Variants in NCMAP observed in about 807,000 individuals in gnomAD.
NCMAP encodes noncompact myelin-associated protein.
Under a neutral mutation model 7.8 loss-of-function variants are expected in NCMAP, and 8 were observed. The observed-to-expected ratio is 1.02, with a 90% CI of 0.60 to 1.84. The LOEUF (loss-of-function observed/expected upper bound fraction) is 1.84, where lower values mean the gene tolerates loss of function less well. Ranked by LOEUF, NCMAP falls within the 40% of genes most tolerant of loss-of-function variation. The probability of loss-of-function intolerance (pLI) is 0.00; values close to 1 mark genes in which losing one functional copy is unlikely to be tolerated. For missense variants in NCMAP, 112 were observed against 131.4 expected, an observed-to-expected ratio of 0.85 and a Z score of 0.72; for synonymous variants, 41 against 52.9, an observed-to-expected ratio of 0.78 and a Z score of 0.98.
intron 1 of NCMAP, among the ~76,000 whole-genome samples, chr1:24,587,969 G>C (rs994934266): frequency 6.6e-6 from 1 of 151,642 alleles, no homozygotes; most frequent in Admixed American, 6.6e-5. Flanking sequence ...TTTTTTTTAG[G>C]AGTTTAGGAG....
intron 3 of NCMAP, among the ~76,000 whole-genome samples, chr1:24,602,455 A>G (rs1309009546): frequency 6.9e-6 from 1 of 144,826 alleles, no homozygotes; most frequent in Non-Finnish European, 1.5e-5. Context: ...CTGTAGTCCC[A>G]GCTACTCGGG....
chr1:24,587,228 G>A (rs1160606489), intron 1 of NCMAP, among the ~76,000 whole-genome samples: 1 of 152,170 alleles, frequency 6.6e-6, no homozygotes, highest in Admixed American at 6.5e-5. Context: ...AGGAACCCAT[G>A]AGGGACACCA....
chr1:24,601,995 C>A (rs936865101), intron 3 of NCMAP, among the ~76,000 whole-genome samples: 1 of 151,050 alleles, frequency 6.6e-6, no homozygotes, highest in Non-Finnish European at 1.5e-5. Context: ...GAGCCGAGAT[C>A]GCGCCACTGC....
intron 1 of NCMAP, among the ~76,000 whole-genome samples, chr1:24,586,923 G>T (rs1273817949): frequency 1.3e-5 from 2 of 152,100 alleles, no homozygotes; most frequent in Non-Finnish European, 2.9e-5. Context: ...TCAATCCAGG[G>T]TAATATCGAT....
chr1:24,605,627 A>G lies in NCMAP; in HGVS notation c.189A>G (p.Glu63=), dbSNP rs1329039525. The G allele has an allele frequency of 4.3e-6, 7 of 1,614,228 alleles. No homozygotes were observed. The highest frequency in any genetic ancestry group is 5.9e-6 in the Non-Finnish European group (7 of 1,180,028). Residue 63 remains glutamate (E), a synonymous_variant, in exon 4 of 4, where the codon GAA becomes GAG. Transcript: ENST00000374392. ...ACAGGAAAATGAGGACGAGGCGGGA[A>G]CTAGAGCCCAAGGGCCCCAAGCCAA... is the stretch of plus-strand genomic sequence containing the variant. ...MYNRKMRTRR[E]LEPKGPKPTA...
At chr1:24,593,227 T>TA (rs1253326877) in intron 1 of NCMAP, among the ~76,000 whole-genome samples, 1 of 151,394 alleles carries the variant, frequency 6.6e-6, no homozygotes, top group Non-Finnish European at 1.5e-5. Flanking sequence ...ATCATGCTTG[T>TA]AATCCCAGCA....
At chr1:24,587,268 G>A (rs2148932963) in intron 1 of NCMAP, among the ~76,000 whole-genome samples, 1 of 152,258 alleles carries the variant, frequency 6.6e-6, no homozygotes, top group African/African-American at 2.4e-5. Flanking sequence ...AAGGAGCTGA[G>A]AATATTTACC....
At chr1:24,602,776 C>T (rs1354918465) in intron 3 of NCMAP, among the ~76,000 whole-genome samples, 4 of 150,840 alleles carry the variant, frequency 2.7e-5, no homozygotes, top group East Asian at 4.0e-4. Context: ...GTAGCTAGGC[C>T]GGGCGTGGTG....
At chr1:24,583,187 G>A (rs1171676157) in intron 1 of NCMAP, among the ~76,000 whole-genome samples, 3 of 152,180 alleles carry the variant, frequency 2.0e-5, no homozygotes, top group Admixed American at 6.5e-5. Flanking sequence ...ATTTGGAAAT[G>A]TCCTGTAACA....
intron 1 of NCMAP, among the ~76,000 whole-genome samples, chr1:24,573,062 C>G (rs1651437716): frequency 6.6e-6 from 1 of 150,432 alleles, no homozygotes; most frequent in Non-Finnish European, 1.5e-5. Flanking sequence ...AGTGTCCACC[C>G]TCTACACCCC....
rs779862267 is a variant in NCMAP at position 24,598,399 on chromosome 1, A to AC, written c.83-2534dup. Among the ~76,000 whole-genome samples the AC allele has an allele frequency of 2.4e-4, 36 of 150,196 alleles. No homozygotes were observed. In the East Asian group the frequency reaches 5.3e-3, roughly 22 times the overall value. On this transcript the variant is annotated intron_variant, in intron 2 of 3. Transcript: ENST00000374392. ...GTTCCCCTTCTAATCACCATCCTCC[A>AC]CCCCCCCAAGGGGACCTGCTATTCT...
intron 1 of NCMAP, among the ~76,000 whole-genome samples, chr1:24,586,538 G>A (rs9660948): frequency 0.074 from 11,210 of 152,218 alleles, 456 homozygotes; most frequent in East Asian, 0.15. Flanking sequence ...CGAGGAGGGC[G>A]GATCACAAGG....
rs11249141 is a variant in NCMAP at position 24,606,242 on chromosome 1, A to G, written c.*495A>G. 0.3 allele frequency: 45,669 copies of G among 153,160 alleles called. 7,141 individuals carry two copies. The highest frequency in any genetic ancestry group is 0.45 in the Middle Eastern group (135 of 298). The allele number at this position is 153,160 out of a possible 1,614,324, so 9.5% of individuals were successfully genotyped here. A position where few individuals can be genotyped will look rare whatever the true frequency, so the allele number is the denominator to read the frequency against. ...ACTAACCAGAAAACCTTGTTAACGT[A>G]TAACTTGTTCCAGTACTACATCTCT... On this transcript the variant is annotated 3_prime_UTR_variant, in exon 4 of 4. Coordinates refer to ENST00000374392, the MANE Select transcript of NCMAP (RefSeq NM_001010980.5).
At chr1:24,601,058 C>A (rs371911941) in intron 3 of NCMAP, 34 bp downstream of exon 3, 5 of 1,576,158 alleles carry the variant, frequency 3.2e-6, no homozygotes, top group Non-Finnish European at 3.5e-6. Flanking sequence ...ACTGCCTGGA[C>A]GGTCCCTTCA....
chr1:24,594,942 A>ATTTATT (rs1240979747), intron 1 of NCMAP, among the ~76,000 whole-genome samples: 2 of 152,106 alleles, frequency 1.3e-5, no homozygotes, highest in African/African-American at 4.8e-5. Context: ...TTATTTATTT[A>ATTTATT]TTTATTTTTG....
At chr1:24,557,405 GTGTGCGCTTGTGTGCATGTGTGTGCA>G (rs1399452865) in intron 1 of NCMAP, among the ~76,000 whole-genome samples, 2 of 148,572 alleles carry the variant, frequency 1.3e-5, no homozygotes, top group African/African-American at 2.4e-5. Context: ...ATGTGTGTGT[GTGTGCGCTTGTGTGCATGTGTGTGCA>G]TGTGGGTGTG....
At chr1:24,596,832 C>T (rs1481662451) in intron 2 of NCMAP, among the ~76,000 whole-genome samples, 1 of 152,068 alleles carries the variant, frequency 6.6e-6, no homozygotes, top group Admixed American at 6.6e-5. Context: ...AACTAGTGGC[C>T]CCGGAAGGAA....
At chr1:24,591,686 G>A (rs556988547) in intron 1 of NCMAP, among the ~76,000 whole-genome samples, 12 of 152,328 alleles carry the variant, frequency 7.9e-5, no homozygotes, top group Non-Finnish European at 1.2e-4. Flanking sequence ...AGTGGCAGGA[G>A]TGGGGAGGTC....
At chr1:24,600,832 C>T (rs1374283121) in intron 2 of NCMAP, 108 bp from the exon 3 acceptor site, 6 of 924,326 alleles carry the variant, frequency 6.5e-6, no homozygotes, top group Non-Finnish European at 1.1e-5. Context: ...GTTGCCTTCT[C>T]TCCTGCCTCC....
Sources: gnomAD v4.1 joint callset for allele counts (sites outside exome capture counted in the v4.1 genomes callset) on GRCh38, gnomAD v4.1.1 for gene constraint, MANE v1.5 for transcripts, NCBI Gene and HGNC (gene_info 2026-07-23, HGNC 2026-07-21) for gene names.